The following KCNC1 variants were observed in gnomAD, a reference collection of about 807,000 sequenced individuals.
KCNC1 encodes the protein potassium voltage-gated channel subfamily C member 1.
A neutral mutation model predicts 43.4 loss-of-function variants in KCNC1; 8 were observed. That is an observed-to-expected ratio of 0.18 (90% CI 0.11 to 0.33). KCNC1 has a LOEUF of 0.33. Ranked by LOEUF, KCNC1 falls within the 10% of genes least tolerant of loss-of-function variation. The probability of loss-of-function intolerance (pLI) is 1.00; values close to 1 mark genes in which losing one functional copy is unlikely to be tolerated. For synonymous variants in KCNC1, 361 were observed against 360.5 expected, an observed-to-expected ratio of 1.00 and a Z score of -0.01; for missense variants, 420 against 836.0, an observed-to-expected ratio of 0.50 and a Z score of 6.14.
Position 17,779,034 on chromosome 11 carries a change from G to A in KCNC1, c.1505-422G>A, listed in dbSNP as rs553308232. 5.0e-4 allele frequency: 79 copies of A among 159,088 alleles called. No homozygotes were observed. The highest frequency in any genetic ancestry group is 1.8e-3 in the African/African-American group (75 of 41,720). The allele number at this position is 159,088 out of a possible 1,614,324, so 9.9% of individuals were successfully genotyped here. The stretch of plus-strand genomic sequence containing the variant: ...GGTCAGCAGCAGAGGGGTCCGGAAA[G>A]GCCCCTCTCTGGACTGGAGTGTTTC... On this transcript the variant is annotated intron_variant, in intron 2 of 3. Transcript: ENST00000265969. This position sits in a 1 kb window ranked among gnomAD's most constrained non-coding sequence, Gnocchi z 7.2.
chr11:17,735,507 G>A lies in KCNC1; in HGVS notation c.-496G>A, dbSNP rs1848753009. The A allele has an allele frequency of 2.0e-5, 3 of 152,730 alleles. No individual in the cohort carries two copies. Among genetic ancestry groups the A allele is most frequent in the African/African-American group, 7.2e-5 (3 of 41,510 alleles). 9.5% of individuals were successfully genotyped at this position (152,730 alleles called of 1,614,324 possible). On this transcript the variant is annotated 5_prime_UTR_variant, in exon 1 of 4. Coordinates refer to ENST00000265969, the MANE Select transcript of KCNC1 (RefSeq NM_001112741.2). The surrounding 1 kb of genome is among the most constrained non-coding windows in gnomAD (Gnocchi z 6.7). ...CTGTCTCCTCCCCTCCCCCTCCTGG[G>A]GGCTGGCCTCTAGTCCGGCCCCGGG...
chr11:17,754,025 C>A (rs1590098279), intron 1 of KCNC1, among the ~76,000 whole-genome samples: 1 of 152,224 alleles, frequency 6.6e-6, no homozygotes, highest in African/African-American at 2.4e-5. Context: ...ACCTTGTGCG[C>A]ACTCTCCATG....
At chr11:17,768,684 T>C (rs1255334716) in intron 1 of KCNC1, among the ~76,000 whole-genome samples, 1 of 151,496 alleles carries the variant, frequency 6.6e-6, no homozygotes, top group East Asian at 2.0e-4. Context: ...GCCTCCAGCC[T>C]TCAGCCAGGA....
Position 17,751,193 on chromosome 11 carries a change from G to A in KCNC1, c.570+14621G>A, listed in dbSNP as rs180692804. Among the ~76,000 whole-genome samples the A allele has an allele frequency of 2.3e-3, 355 of 152,324 alleles. 2 individuals carry two copies. Among genetic ancestry groups the A allele is most frequent in the African/African-American group, 8.3e-3 (347 of 41,568 alleles). On this transcript the variant is annotated intron_variant, in intron 1 of 3. Coordinates refer to ENST00000265969, the MANE Select transcript of KCNC1 (RefSeq NM_001112741.2). ...GAAAATAAATCAAGAAGGTCAGCTAGAGCCATGCCAGTGTTCCTTCTGGCT... is the reference window on the plus strand; with the variant it reads ...GAAAATAAATCAAGAAGGTCAGCTAAAGCCATGCCAGTGTTCCTTCTGGCT...
intron 1 of KCNC1, among the ~76,000 whole-genome samples, chr11:17,755,402 C>T (rs1849012717): frequency 6.6e-6 from 1 of 152,100 alleles, no homozygotes; most frequent in South Asian, 2.1e-4. Context: ...GAAAACAGTC[C>T]TAGCGCACCA....
At chr11:17,748,707 G>A (rs1454123400) in intron 1 of KCNC1, among the ~76,000 whole-genome samples, 7 of 152,164 alleles carry the variant, frequency 4.6e-5, no homozygotes, top group Admixed American at 6.5e-5. Flanking sequence ...TGCTCTTGAC[G>A]GGGCCTGCCC....
rs1404494269 is a variant in KCNC1 at position 17,735,960 on chromosome 11, C to T, written c.-43C>T. On this transcript the variant is annotated 5_prime_UTR_variant, in exon 1 of 4. Coordinates refer to ENST00000265969, the MANE Select transcript of KCNC1 (RefSeq NM_001112741.2). The surrounding 1 kb of genome is among the most constrained non-coding windows in gnomAD (Gnocchi z 6.7). The stretch of plus-strand genomic sequence containing the variant: ...GCCAACTCCCCCTGGCGGCCGCTCC[C>T]ATGGGTGTCGCTGGGCCGCGCCATG... 7.2e-7 allele frequency: 1 copy of T among 1,396,424 alleles called. No individual in the cohort carries two copies. The highest frequency in any genetic ancestry group is 1.6e-5 in the South Asian group (1 of 62,624). 86.5% of individuals were successfully genotyped at this position (1,396,424 alleles called of 1,614,324 possible). A position where few individuals can be genotyped will look rare whatever the true frequency, so the allele number is the denominator to read the frequency against.
intron 1 of KCNC1, among the ~76,000 whole-genome samples, chr11:17,759,221 C>T (rs1247172423): frequency 6.6e-6 from 1 of 152,232 alleles, no homozygotes; most frequent in Non-Finnish European, 1.5e-5. Context: ...TAGCTTTAAA[C>T]TTTTCTTCTG....
chr11:17,751,840 A>T (rs562238149), intron 1 of KCNC1, among the ~76,000 whole-genome samples: 2 of 152,158 alleles, frequency 1.3e-5, no homozygotes, highest in South Asian at 2.1e-4. Context: ...TGTGTGAGAG[A>T]GTCTGTGGTT....
At chr11:17,765,167 C>A (rs551284597) in intron 1 of KCNC1, among the ~76,000 whole-genome samples, 1 of 152,204 alleles carries the variant, frequency 6.6e-6, no homozygotes, top group Non-Finnish European at 1.5e-5. Flanking sequence ...GGAAGCAACT[C>A]GCCAAGGTCA....
intron 1 of KCNC1, among the ~76,000 whole-genome samples, chr11:17,766,685 G>C (rs1486365920): frequency 6.6e-6 from 1 of 152,154 alleles, no homozygotes; most frequent in Admixed American, 6.5e-5. Context: ...TTGGATCCAG[G>C]TAGCCTTGCT....
Position 17,777,543 on chromosome 11 carries a change from G to A in KCNC1, c.1505-1913G>A. ...GAAGACTGGGCCAGCCAGAGTGGGA[G>A]GCAGGACCAGCGTGTCTGCGAGCAC... On this transcript the variant is annotated intron_variant, in intron 2 of 3. Coordinates refer to ENST00000265969, the MANE Select transcript of KCNC1 (RefSeq NM_001112741.2). This position sits in a 1 kb window ranked among gnomAD's most constrained non-coding sequence, Gnocchi z 4.3. 1 of 985,970 alleles carries A rather than the reference G, an allele frequency of 1.0e-6. No individual in the cohort carries two copies. The highest frequency in any genetic ancestry group is 1.2e-6 in the Non-Finnish European group (1 of 830,014). The allele number at this position is 985,970 out of a possible 1,614,324, so 61.1% of individuals were successfully genotyped here. A position where few individuals can be genotyped will look rare whatever the true frequency, so the allele number is the denominator to read the frequency against.
rs936391873 is a variant in KCNC1 at position 17,781,431 on chromosome 11, G to T, written c.1694-239G>T. The T allele has an allele frequency of 1.0e-5, 5 of 491,888 alleles. No homozygotes were observed. The highest frequency in any genetic ancestry group is 1.8e-5 in the Non-Finnish European group (5 of 279,686). 30.5% of individuals were successfully genotyped at this position (491,888 alleles called of 1,614,324 possible). ...TAATTCTGAGCCAGAAGGCATGCAG[G>T]TGTGTGAGTCAATGTGCAGAGCAGA... On this transcript the variant is annotated intron_variant, in intron 3 of 3. Coordinates refer to ENST00000265969, the MANE Select transcript of KCNC1 (RefSeq NM_001112741.2). This position sits in a 1 kb window ranked among gnomAD's most constrained non-coding sequence, Gnocchi z 5.1.
rs1042999119 is a variant in KCNC1, at chr11:17,739,616, AGT to A, written c.570+3050_570+3051del. Among the ~76,000 whole-genome samples, 9 of 147,766 alleles carry A rather than the reference AGT, an allele frequency of 6.1e-5. No individual in the cohort carries two copies. The highest frequency in any genetic ancestry group is 1.0e-4 in the Non-Finnish European group (7 of 67,312). On this transcript the variant is annotated intron_variant, in intron 1 of 3. Transcript: ENST00000265969. The surrounding 1 kb of genome is among the most constrained non-coding windows in gnomAD (Gnocchi z 4.2). Reference sequence around the variant, plus strand: ...GAGTCGAGGTGAGTGTGTCTGCGTGAGTGTGTGGCTGTGTGTGGCAAGTGTGA... The same window carrying A: ...GAGTCGAGGTGAGTGTGTCTGCGTGAGTGTGGCTGTGTGTGGCAAGTGTGA...
chr11:17,775,963 G>A (rs1849281815), intron 2 of KCNC1: 1 of 985,402 alleles, frequency 1.0e-6, no homozygotes, highest in Non-Finnish European at 1.2e-6. Flanking sequence ...TGGCTGCCCA[G>A]TGAGTGGTGC....
intron 1 of KCNC1, among the ~76,000 whole-genome samples, chr11:17,747,553 A>C (rs550797094): frequency 4.6e-5 from 7 of 152,228 alleles, no homozygotes; most frequent in Admixed American, 4.6e-4. Context: ...CCTGGGGGCT[A>C]GGGCTGGGGG....
Position 17,781,970 on chromosome 11 carries a change from G to T in KCNC1, c.*236G>T. 4 of 453,768 alleles carry T rather than the reference G, an allele frequency of 8.8e-6. No homozygotes were observed. Among genetic ancestry groups the T allele is most frequent in the Non-Finnish European group, 1.5e-5 (4 of 258,904 alleles). 28.1% of individuals were successfully genotyped at this position (453,768 alleles called of 1,614,324 possible). A position where few individuals can be genotyped will look rare whatever the true frequency, so the allele number is the denominator to read the frequency against. On this transcript the variant is annotated 3_prime_UTR_variant, in exon 4 of 4. Transcript: ENST00000265969. The surrounding 1 kb of genome is among the most constrained non-coding windows in gnomAD (Gnocchi z 5.1). ...AAAATTTTATTTTATTTGGGGAGGG[G>T]GGGTGGAGGGGCTCCTTAGCATGAC... is the stretch of plus-strand genomic sequence containing the variant.
rs374599198 is a variant in KCNC1, at chr11:17,768,436, G to A, written c.571-3229G>A. ...ATGAGGCCAGGACGTGGAGAGCCTCGTGTGCCAGGCTGGGGAATTTGGACT... is the reference window on the plus strand; with the variant it reads ...ATGAGGCCAGGACGTGGAGAGCCTCATGTGCCAGGCTGGGGAATTTGGACT... On this transcript the variant is annotated intron_variant, in intron 1 of 3. Transcript: ENST00000265969. 9.5e-4 allele frequency among the ~76,000 whole-genome samples: 144 copies of A among 152,278 alleles called. 1 individual carries two copies. The Middle Eastern group carries it at 0.024, about 25-fold the overall frequency.
chr11:17,747,145 C>T (rs10832855), intron 1 of KCNC1, among the ~76,000 whole-genome samples: 20,024 of 152,142 alleles, frequency 0.13, 1,417 homozygotes, highest in African/African-American at 0.16. Context: ...GGGTCCCTTC[C>T]TCCAGTCTGT....
Sources: gnomAD v4.1 joint callset for allele counts (sites outside exome capture counted in the v4.1 genomes callset) on GRCh38, gnomAD v4.1.1 for gene constraint, Gnocchi (gnomAD v3.1) non-coding constraint, MANE v1.5 for transcripts, NCBI Gene and HGNC (gene_info 2026-07-23, HGNC 2026-07-21) for gene names.